ENDOV: variants seen among roughly 807,000 people sequenced by gnomAD.
ENDOV encodes the protein endonuclease V, also known as hEndoV.
ENDOV carries 37 observed loss-of-function variants against 39.4 expected under a neutral mutation model. That is an observed-to-expected ratio of 0.94 (90% CI 0.72 to 1.23). ENDOV has a LOEUF of 1.23. Ranked by LOEUF, ENDOV falls within the 50% of genes most tolerant of loss-of-function variation. The pLI is 0.00. For synonymous variants in ENDOV, 186 were observed against 163.4 expected (o/e 1.14, Z -1.05); for missense variants, 441 against 375.7 (o/e 1.17, Z -1.44).
intron 9 of ENDOV, among the ~76,000 whole-genome samples, chr17:80,433,755 G>A (rs896948529): frequency 2.0e-5 from 3 of 152,184 alleles, no homozygotes; most frequent in Admixed American, 1.3e-4. Flanking sequence ...GCTTAAAACC[G>A]TTGGTTCCTC....
At chr17:80,423,821 G>T (rs900658026) in intron 5 of ENDOV, 189 bp downstream of exon 5, 2 of 595,106 alleles carry the variant, frequency 3.4e-6, no homozygotes, top group South Asian at 2.1e-5. Flanking sequence ...AGCTGAGGGC[G>T]CTCTGAGCTC....
intron 8 of ENDOV, 46 bp downstream of exon 8, chr17:80,428,706 C>T (rs2083034539): frequency 6.5e-6 from 10 of 1,531,340 alleles, no homozygotes; most frequent in Middle Eastern, 3.3e-4. Context: ...ATCTCACAGA[C>T]ACCTGCATGG....
chr17:80,430,429 G>T, intron 9 of ENDOV: 5 of 1,401,788 alleles, frequency 3.6e-6, no homozygotes, highest in Non-Finnish European at 4.7e-6. Context: ...AGGTTTACTT[G>T]CAAAATCAGG....
At chr17:80,419,585 G>C (rs2081701855) in intron 2 of ENDOV, 1 of 702,858 alleles carries the variant, frequency 1.4e-6, no homozygotes, top group African/African-American at 1.7e-5. Context: ...CCATCGATCA[G>C]TTCTGCCTTC....
intron 2 of ENDOV, among the ~76,000 whole-genome samples, chr17:80,421,566 G>A (rs1218058140): frequency 5.6e-5 from 8 of 143,196 alleles, no homozygotes; most frequent in Middle Eastern, 4.3e-3. Context: ...GGTCCCGGGG[G>A]AGCTGCTGCT....
intron 7 of ENDOV, among the ~76,000 whole-genome samples, chr17:80,428,289 C>T (rs1568244915): frequency 6.6e-6 from 1 of 152,234 alleles, no homozygotes; most frequent in Non-Finnish European, 1.5e-5. Flanking sequence ...GCTCCAACTG[C>T]CACTGGTGGG....
intron 1 of ENDOV, 86 bp from the exon 2 acceptor site, chr17:80,415,564 G>T (rs2080999632): frequency 6.1e-6 from 9 of 1,480,008 alleles, no homozygotes; most frequent in African/African-American, 1.4e-5. Context: ...CCCGGCAGAG[G>T]CGCTCTGTCC....
chr17:80,429,624 C>G, intron 8 of ENDOV, 149 bp from the exon 9 acceptor site: 1 of 697,628 alleles, frequency 1.4e-6, no homozygotes, highest in South Asian at 2.3e-5. Context: ...CGTGTCTGAG[C>G]AGCGTGCTCT....
chr17:80,423,167 A>G (rs1441855170), intron 4 of ENDOV, among the ~76,000 whole-genome samples: 1 of 152,140 alleles, frequency 6.6e-6, no homozygotes, highest in Non-Finnish European at 1.5e-5. Context: ...TCATGTGCCG[A>G]CCCACATGCT....
intron 9 of ENDOV, among the ~76,000 whole-genome samples, chr17:80,434,477 G>T (rs1035511855): frequency 3.3e-5 from 5 of 152,018 alleles, no homozygotes; most frequent in African/African-American, 1.2e-4. Flanking sequence ...AGAATTTCTG[G>T]GTCATGTGGT....
intron 2 of ENDOV, among the ~76,000 whole-genome samples, chr17:80,419,122 G>C (rs946421527): frequency 2.0e-5 from 3 of 147,244 alleles, no homozygotes; most frequent in Admixed American, 6.9e-5. Context: ...GCAGTGAGCC[G>C]AGATCGCGTC....
At chr17:80,422,374 T>TC in intron 4 of ENDOV, 129 bp downstream of exon 4, 1 of 1,135,574 alleles carries the variant, frequency 8.8e-7, no homozygotes, top group Non-Finnish European at 1.3e-6. Context: ...AATGGCTTCT[T>TC]TCTCGGCGCA....
intron 9 of ENDOV, chr17:80,430,126 G>T (rs2083229679): frequency 2.0e-6 from 3 of 1,529,332 alleles, no homozygotes; most frequent in Non-Finnish European, 1.7e-6. Context: ...TGGGGCAGAG[G>T]TGACCACGGC....
rs1481079189 is a variant in ENDOV, at chr17:80,415,234, C to G, written c.40C>G (p.Leu14Val). Residue 14 changes from leucine (L) to valine (V), a missense_variant, in exon 1 of 10, where the codon CTG becomes GTG. Physicochemically the swap from Leu to Val is conservative, Grantham distance 32 (BLOSUM62 1). Transcript: ENST00000518137. ...EAAGGPPEET[L>V]SLWKREQARL... is the part of the protein sequence containing the mutation. ...GGCGGGAGGGCCGCCGGAGGAAACGCTGTCACTGTGGAAACGGTAATGCTG... is the reference window on the plus strand; with the variant it reads ...GGCGGGAGGGCCGCCGGAGGAAACGGTGTCACTGTGGAAACGGTAATGCTG... The G allele has an allele frequency of 2.5e-6, 4 of 1,613,350 alleles. No individual in the cohort carries two copies. Among genetic ancestry groups the G allele is most frequent in the Non-Finnish European group, 3.4e-6 (4 of 1,179,744 alleles).
At chr17:80,415,565 C>G (rs1568199001) in intron 1 of ENDOV, 85 bp from the exon 2 acceptor site, 17 of 1,468,952 alleles carry the variant, frequency 1.2e-5, no homozygotes, top group Admixed American at 4.2e-5. Context: ...CCGGCAGAGG[C>G]GCTCTGTCCG....
chr17:80,419,436 C>G, intron 2 of ENDOV: 1 of 624,564 alleles, frequency 1.6e-6, no homozygotes, highest in Non-Finnish European at 2.9e-6. Flanking sequence ...TCTGGCGGAG[C>G]CCATTCCATG....
chr17:80,421,746 G>A (rs948935694), intron 2 of ENDOV, 82 bp from the exon 3 acceptor site: 120 of 1,511,926 alleles, frequency 7.9e-5, no homozygotes, highest in Non-Finnish European at 9.2e-5. Flanking sequence ...GGAAGGATGA[G>A]GGGGGCAGGG....
intron 2 of ENDOV, 114 bp from the exon 3 acceptor site, chr17:80,421,714 A>G (rs909905701): frequency 2.1e-5 from 28 of 1,363,794 alleles, no homozygotes; most frequent in Non-Finnish European, 2.8e-5. Context: ...AAGGGGAGCC[A>G]TGAGGGTGAC....
Position 80,423,594 on chromosome 17 carries a change from G to A in ENDOV, c.478G>A (p.Val160Met). ...CVGVAKKLLQ[V>M]DGLENNALHK... ...TGGGGTGGCCAAGAAACTTCTGCAG[G>A]TGGATGGGCTGGAGAACAACGCCCT... is the stretch of plus-strand genomic sequence containing the variant. The change falls in exon 5 of 10, where the codon GTG becomes ATG. Residue 160 changes from valine to methionine, a missense_variant. Coordinates refer to ENST00000518137, the MANE Select transcript of ENDOV (RefSeq NM_173627.5). 2 of 1,556,324 alleles carry A rather than the reference G, an allele frequency of 1.3e-6. 1 individual carries two copies. The highest frequency in any genetic ancestry group is 3.9e-5 in the Admixed American group (2 of 51,658).
Sources: gnomAD v4.1 joint callset for allele counts (sites outside exome capture counted in the v4.1 genomes callset) on GRCh38, gnomAD v4.1.1 for gene constraint, MANE v1.5 for transcripts, NCBI Gene and HGNC (gene_info 2026-07-23, HGNC 2026-07-21) for gene names.